The following OPCML variants were observed in gnomAD, a reference collection of about 807,000 sequenced individuals.
OPCML encodes opioid binding protein/cell adhesion molecule like, also known as opioid-binding protein/cell adhesion molecule.
OPCML carries 13 observed loss-of-function variants against 37.8 expected under a neutral mutation model. The ratio of observed to expected loss-of-function variants is 0.34; its 90% CI spans 0.22 to 0.55. The LOEUF is 0.55. Ranked by LOEUF, OPCML falls within the 20% of genes least tolerant of loss-of-function variation. The pLI, the probability that OPCML is intolerant of heterozygous loss-of-function variation, is 0.91. For missense variants in OPCML, 341 were observed against 435.6 expected (o/e 0.78, Z 1.93); for synonymous variants, 176 against 168.8 (o/e 1.04, Z -0.33).
chr11:132,488,457 TG>T (rs2096206672), intron 4 of OPCML, among the ~76,000 whole-genome samples: 1 of 152,168 alleles, frequency 6.6e-6, no homozygotes, highest in African/African-American at 2.4e-5. Context: ...GGTACAAATC[TG>T]TACTGAATAC....
intron 1 of OPCML, among the ~76,000 whole-genome samples, chr11:133,193,320 A>G (rs777745426): frequency 1.1e-4 from 17 of 152,236 alleles, no homozygotes; most frequent in Non-Finnish European, 7.3e-5. Flanking sequence ...GAGTAAAAGC[A>G]TCTCCCGCAA....
intron 3 of OPCML, among the ~76,000 whole-genome samples, chr11:132,644,480 G>A (rs893568149): frequency 2.0e-5 from 3 of 151,350 alleles, no homozygotes; most frequent in African/African-American, 7.3e-5. Flanking sequence ...CAGAAATTAA[G>A]AAAAAATAAG....
intron 1 of OPCML, among the ~76,000 whole-genome samples, chr11:133,320,808 C>A (rs1943311212): frequency 6.6e-6 from 1 of 152,184 alleles, no homozygotes; most frequent in Non-Finnish European, 1.5e-5. Context: ...TTTTCCCATA[C>A]CAACATCTCT....
chr11:132,644,243 G>A (rs1217115184), intron 3 of OPCML, among the ~76,000 whole-genome samples: 1 of 152,026 alleles, frequency 6.6e-6, no homozygotes, highest in Non-Finnish European at 1.5e-5. Flanking sequence ...TGGGTGTGGT[G>A]GCAGGCACCA....
chr11:133,411,473 C>T (rs370717853), intron 1 of OPCML, among the ~76,000 whole-genome samples: 3 of 152,230 alleles, frequency 2.0e-5, no homozygotes, highest in African/African-American at 7.2e-5. Context: ...GGAAAGGAAC[C>T]CTTGGGAAGA....
intron 3 of OPCML, among the ~76,000 whole-genome samples, chr11:132,553,186 C>T (rs1216034826): frequency 2.0e-5 from 3 of 152,230 alleles, no homozygotes; most frequent in African/African-American, 7.2e-5. Flanking sequence ...CATCAGTCAT[C>T]TCCCATAATG....
At position 132,416,985 on chromosome 11, in the gene OPCML, A is replaced by T. The variant is rs1467288719; in HGVS notation, c.*3208T>A. ...ATATGAACTCTGTTTTGGGAAGGGG[A>T]AGGGTTTCAGAGTCCCTACATTGCT... On this transcript the variant is annotated 3_prime_UTR_variant, in exon 8 of 8. Coordinates refer to ENST00000524381, the MANE Select transcript of OPCML (RefSeq NM_001012393.5). The T allele has an allele frequency of 6.6e-6, 1 of 152,526 alleles. No individual in the cohort carries two copies. Among genetic ancestry groups the T allele is most frequent in the Non-Finnish European group, 1.5e-5 (1 of 68,022 alleles). 9.4% of individuals were successfully genotyped at this position (152,526 alleles called of 1,614,324 possible).
chr11:132,738,896 G>A (rs537035861), intron 2 of OPCML, among the ~76,000 whole-genome samples: 2 of 152,256 alleles, frequency 1.3e-5, no homozygotes, highest in South Asian at 2.1e-4. Flanking sequence ...TACTAATGAA[G>A]AGGATCAAAA....
At chr11:133,051,117 G>A (rs1031512216) in intron 1 of OPCML, among the ~76,000 whole-genome samples, 25 of 151,400 alleles carry the variant, frequency 1.7e-4, no homozygotes, top group African/African-American at 6.1e-4. Context: ...TGAATATTCA[G>A]ACCAAAGCTC....
intron 1 of OPCML, among the ~76,000 whole-genome samples, chr11:133,394,295 G>C (rs896645509): frequency 2.6e-5 from 4 of 152,036 alleles, no homozygotes; most frequent in African/African-American, 4.8e-5. Flanking sequence ...ACTGTAGTAG[G>C]GGTATATATG....
chr11:133,215,302 CG>C (rs1221470284), intron 1 of OPCML, among the ~76,000 whole-genome samples: 18 of 152,152 alleles, frequency 1.2e-4, no homozygotes, highest in Middle Eastern at 3.2e-3. Context: ...CCACTAATCA[CG>C]GGGTTTGAAT....
intron 1 of OPCML, among the ~76,000 whole-genome samples, chr11:133,126,892 G>C (rs767070463): frequency 1.3e-5 from 2 of 152,112 alleles, no homozygotes; most frequent in Non-Finnish European, 2.9e-5. Flanking sequence ...CACTGAAAAA[G>C]AGAGTGCCTG....
intron 1 of OPCML, among the ~76,000 whole-genome samples, chr11:133,032,817 C>T (rs1319657315): frequency 6.6e-6 from 1 of 152,184 alleles, no homozygotes; most frequent in Non-Finnish European, 1.5e-5. Context: ...CTAATACAAA[C>T]ATTTTTTCTA....
rs75758174 is a variant in OPCML, at chr11:132,874,817, A to G, written c.146+68109T>C. On this transcript the variant is annotated intron_variant, in intron 2 of 7. Transcript: ENST00000524381. ...AGAATAGGAGCAGGCAAGAAATCCA[A>G]GACTGCTCACTCAGACAGTGAGTCA... 2.2e-3 allele frequency among the ~76,000 whole-genome samples: 342 copies of G among 152,290 alleles called. 1 individual carries two copies. The highest frequency in any genetic ancestry group is 3.5e-3 in the Non-Finnish European group (239 of 68,026).
rs76604424 is a variant in OPCML, at chr11:132,738,902, C to T, written c.147-81583G>A. Among the ~76,000 whole-genome samples the T allele has an allele frequency of 9.7e-3, 1,475 of 152,172 alleles. 12 individuals carry two copies. The highest frequency in any genetic ancestry group is 0.021 in the South Asian group (99 of 4,824). On this transcript the variant is annotated intron_variant, in intron 2 of 7. Transcript: ENST00000524381. ...AAGAAGGGTTACTAATGAAGAGGATCAAAATATGCTAACCCAAAATATGCC... is the reference window on the plus strand; with the variant it reads ...AAGAAGGGTTACTAATGAAGAGGATTAAAATATGCTAACCCAAAATATGCC...
intron 3 of OPCML, among the ~76,000 whole-genome samples, chr11:132,619,960 A>G (rs988995465): frequency 6.6e-6 from 1 of 152,172 alleles, no homozygotes; most frequent in Non-Finnish European, 1.5e-5. Context: ...TTGACATTAA[A>G]TCTATTTAGC....
intron 2 of OPCML, among the ~76,000 whole-genome samples, chr11:132,744,264 C>T (rs1217000296): frequency 6.6e-6 from 1 of 152,178 alleles, no homozygotes; most frequent in African/African-American, 2.4e-5. Flanking sequence ...ATTTTTTATG[C>T]ACTCGCTTGT....
chr11:132,983,942 C>T (rs1946638901), intron 1 of OPCML, among the ~76,000 whole-genome samples: 1 of 152,196 alleles, frequency 6.6e-6, no homozygotes, highest in Non-Finnish European at 1.5e-5. Context: ...GCCACTTTGT[C>T]AGGTTCTAAT....
At chr11:132,580,212 G>A (rs75082783) in intron 3 of OPCML, among the ~76,000 whole-genome samples, 4,424 of 152,228 alleles carry the variant, frequency 0.029, 244 homozygotes, top group African/African-American at 0.1. Flanking sequence ...GTATGACTCC[G>A]CAGGGGGGAA....
Sources: gnomAD v4.1 joint callset for allele counts (sites outside exome capture counted in the v4.1 genomes callset) on GRCh38, gnomAD v4.1.1 for gene constraint, MANE v1.5 for transcripts, NCBI Gene and HGNC (gene_info 2026-07-23, HGNC 2026-07-21) for gene names.